The following SEC14L3 variants were observed in gnomAD, a reference collection of about 807,000 sequenced individuals.
SEC14L3 encodes the protein SEC14 like lipid binding 3, also known as SEC14-like protein 3.
Under a neutral mutation model 57.4 loss-of-function variants are expected in SEC14L3, and 56 were observed. The ratio of observed to expected loss-of-function variants is 0.97; its 90% confidence interval spans 0.79 to 1.22. The LOEUF (loss-of-function observed/expected upper bound fraction) is 1.22. SEC14L3 is among the 50% of genes most tolerant of loss of function. The pLI, the probability that SEC14L3 is intolerant of heterozygous loss-of-function variation, is 0.00. For missense variants in SEC14L3, 485 were observed against 511.7 expected, an observed-to-expected ratio of 0.95 and a Z score of 0.50; for synonymous variants, 173 against 194.4, an observed-to-expected ratio of 0.89 and a Z score of 0.92.
At chr22:30,463,054 T>C (rs1311797836) in intron 8 of SEC14L3, among the ~76,000 whole-genome samples, 2 of 152,178 alleles carry the variant, frequency 1.3e-5, no homozygotes, top group Non-Finnish European at 2.9e-5. Context: ...TTCTTGAAGA[T>C]CTTCCAGTCA....
downstream of SEC14L3, among the ~76,000 whole-genome samples, chr22:30,454,794 T>A (rs1352140827): frequency 2.0e-4 from 13 of 64,206 alleles, no homozygotes; most frequent in African/African-American, 9.9e-4. Flanking sequence ...TATTATATAT[T>A]ATTGTATATT....
At chr22:30,468,417 G>T (rs1935491198) in intron 5 of SEC14L3, 91 bp downstream of exon 5, 2 of 929,848 alleles carry the variant, frequency 2.2e-6, no homozygotes, top group Admixed American at 2.0e-5. Flanking sequence ...TCTGACTGTG[G>T]TTGTAGAGAA....
At position 30,470,217 on chromosome 22, in the gene SEC14L3, G is replaced by A. The variant is rs760882036; in HGVS notation, c.169C>T (p.Arg57Cys). The A allele has an allele frequency of 8.1e-6, 13 of 1,613,894 alleles. No individual in the cohort carries two copies. The highest frequency in any genetic ancestry group is 4.4e-5 in the South Asian group (4 of 91,054). The change falls in exon 3 of 12, where the codon CGC (arginine) becomes TGC (cysteine). Residue 57 changes from arginine (R) to cysteine (C), a missense_variant. Arg to Cys is a radical substitution (Grantham distance 180, BLOSUM62 -3). Transcript: ENST00000215812. ...FDLQKSEALL[R>C]KYMEFRKTMD... ...CCAGAGTGGATAGGTCTCACCTTGC[G>A]GAGCAAAGCCTCCGACTTCTGCAAG...
Position 30,470,495 on chromosome 22 carries a change from C to T in SEC14L3, c.130+12G>A. 6.2e-7 allele frequency: 1 copy of T among 1,614,088 alleles called. No individual in the cohort carries two copies. Among genetic ancestry groups the T allele is most frequent in the Non-Finnish European group, 8.5e-7 (1 of 1,180,012 alleles). ...GCCCCCTGATCCCAACCTCTCCCAC[C>T]TCTGCCCTCACCTCGGAGCCAGCGT... On this transcript the variant is annotated intron_variant, in intron 2 of 11. Coordinates refer to ENST00000215812, the MANE Select transcript of SEC14L3 (RefSeq NM_174975.5).
chr22:30,464,768 T>G, intron 8 of SEC14L3, 52 bp downstream of exon 8: 1 of 1,557,086 alleles, frequency 6.4e-7, no homozygotes, highest in Non-Finnish European at 8.9e-7. Context: ...TGGGACAACC[T>G]CACTCCAAAG....
chr22:30,461,246 C>T, intron 11 of SEC14L3, 64 bp downstream of exon 11: 3 of 1,521,794 alleles, frequency 2.0e-6, no homozygotes, highest in South Asian at 2.6e-5. Context: ...CTGTTTCCTT[C>T]TCTAAAGCAT....
exon 13 of SEC14L3, chr22:30,448,445 C>T (rs1934918990): frequency 6.6e-6 from 1 of 152,202 alleles, no homozygotes; most frequent in Admixed American, 6.6e-5. Flanking sequence ...GGCTAGGGCT[C>T]CCCAGCCAGG....
intron 4 of SEC14L3, among the ~76,000 whole-genome samples, chr22:30,469,255 G>A (rs529393877): frequency 6.6e-6 from 1 of 151,806 alleles, no homozygotes; most frequent in Non-Finnish European, 1.5e-5. Flanking sequence ...AGGCTGCAGT[G>A]AGCCATGATC....
In SEC14L3 at chr22:30,459,789, C is replaced by A; in HGVS notation, c.*232G>T. On this transcript the variant is annotated 3_prime_UTR_variant, in exon 12 of 12. Coordinates refer to ENST00000215812, the MANE Select transcript of SEC14L3 (RefSeq NM_174975.5). ...GAGTTTCATGACACCCACTTCTTGC[C>A]TTTACCCTTGCTTTTTCCTCTTCTG... 1 of 1,216,022 alleles carries A rather than the reference C, an allele frequency of 8.2e-7. No individual in the cohort carries two copies. Among genetic ancestry groups the A allele is most frequent in the Non-Finnish European group, 1.0e-6 (1 of 970,856 alleles). 75.3% of individuals were successfully genotyped at this position (1,216,022 alleles called of 1,614,324 possible).
At chr22:30,452,169 A>C (rs868624709) in intron 12 of SEC14L3, among the ~76,000 whole-genome samples, 42 of 151,778 alleles carry the variant, frequency 2.8e-4, no homozygotes, top group African/African-American at 9.6e-4. Flanking sequence ...AATGCCCCTT[A>C]AATTTTGCAC....
chr22:30,461,974 A>G (rs906825786), intron 9 of SEC14L3, 112 bp downstream of exon 9: 8 of 1,203,006 alleles, frequency 6.7e-6, no homozygotes, highest in Admixed American at 2.0e-5. Context: ...GACTAGCTTA[A>G]CACCCAGTTC....
At chr22:30,458,683 C>T (rs1935161205), downstream of SEC14L3, among the ~76,000 whole-genome samples, 2 of 152,092 alleles carry the variant, frequency 1.3e-5, no homozygotes, top group African/African-American at 4.8e-5. Flanking sequence ...GGCGGTATTA[C>T]AAGGCAACTG....
intron 12 of SEC14L3, among the ~76,000 whole-genome samples, chr22:30,452,628 CG>C (rs1363496750): frequency 1.3e-5 from 2 of 151,916 alleles, no homozygotes; most frequent in African/African-American, 4.8e-5. Context: ...GAAGCCAGCA[CG>C]GGGAGACAGA....
chr22:30,459,430 T>C lies in SEC14L3; in HGVS notation c.*591A>G. 1 of 985,396 alleles carries C rather than the reference T, an allele frequency of 1.0e-6. No homozygotes were observed. The highest frequency in any genetic ancestry group is 1.2e-6 in the Non-Finnish European group (1 of 829,944). The allele number at this position is 985,396 out of a possible 1,614,324, so 61.0% of individuals were successfully genotyped here. A position where few individuals can be genotyped will look rare whatever the true frequency, so the allele number is the denominator to read the frequency against. On this transcript the variant is annotated 3_prime_UTR_variant, in exon 12 of 12. Transcript: ENST00000215812. Reference sequence around the variant, plus strand: ...GCTGGGGCCCTCAAAAGACAGCCACTGCCAGAAATCTGGAGACTGAATTGT... The same window carrying C: ...GCTGGGGCCCTCAAAAGACAGCCACCGCCAGAAATCTGGAGACTGAATTGT...
rs116858754 is a variant in SEC14L3 at position 30,459,983 on chromosome 22, C to A, written c.*38G>T. On this transcript the variant is annotated 3_prime_UTR_variant, in exon 12 of 12. Coordinates refer to ENST00000215812, the MANE Select transcript of SEC14L3 (RefSeq NM_174975.5). ...GAGTGTAGGATATAAACAGAGAAATCAAAGGGTTAGGAGGTCTCTGAGAAA... is the reference window on the plus strand; with the variant it reads ...GAGTGTAGGATATAAACAGAGAAATAAAAGGGTTAGGAGGTCTCTGAGAAA... The A allele has an allele frequency of 1.9e-3, 3,048 of 1,605,158 alleles. 74 individuals carry two copies. The East Asian group carries it at 0.05, about 26-fold the overall frequency.
intron 8 of SEC14L3, among the ~76,000 whole-genome samples, chr22:30,462,842 G>T (rs1392758680): frequency 6.6e-6 from 1 of 151,470 alleles, no homozygotes; most frequent in Non-Finnish European, 1.5e-5. Context: ...GTTTCAAGCA[G>T]TTCTCTACCT....
At chr22:30,463,002 T>C (rs1050245262) in intron 8 of SEC14L3, among the ~76,000 whole-genome samples, 2 of 152,230 alleles carry the variant, frequency 1.3e-5, no homozygotes, top group African/African-American at 4.8e-5. Context: ...CCCAAAGTGC[T>C]GGGATTACAG....
chr22:30,453,638 C>T (rs1224079903), intron 12 of SEC14L3, among the ~76,000 whole-genome samples: 1 of 152,194 alleles, frequency 6.6e-6, no homozygotes, highest in African/African-American at 2.4e-5. Context: ...GTCTCAAACT[C>T]CCGACCTCAA....
intron 12 of SEC14L3, among the ~76,000 whole-genome samples, chr22:30,452,914 C>T (rs1046530901): frequency 6.6e-6 from 1 of 151,896 alleles, no homozygotes; most frequent in Non-Finnish European, 1.5e-5. Context: ...ATGGGGTTTT[C>T]ACCACGTTGC....
Sources: allele counts gnomAD v4.1 joint callset (sites outside exome capture counted in the v4.1 genomes callset), GRCh38; gene constraint gnomAD v4.1.1; transcripts MANE v1.5; gene names NCBI Gene and HGNC (gene_info 2026-07-23, HGNC 2026-07-21).